Variants in TSEN15 observed in about 807,000 individuals in gnomAD.
TSEN15 encodes the protein tRNA splicing endonuclease subunit 15.
A neutral mutation model predicts 20.5 loss-of-function variants in TSEN15; 10 were observed. The observed-to-expected ratio is 0.49, with a 90% CI of 0.30 to 0.83. The LOEUF (loss-of-function observed/expected upper bound fraction) is 0.83. TSEN15 is among the 40% of genes least tolerant of loss of function. The pLI is 0.06. For missense variants in TSEN15, 180 were observed against 218.6 expected, an observed-to-expected ratio of 0.82 and a Z score of 1.11; for synonymous variants, 72 against 80.1, an observed-to-expected ratio of 0.90 and a Z score of 0.54.
chr1:184,067,941 A>AAAAAAAT (rs1400681024), intron 3 of TSEN15, among the ~76,000 whole-genome samples: 13 of 95,570 alleles, frequency 1.4e-4, no homozygotes, highest in African/African-American at 4.6e-4. Context: ...AAAAAAAAAA[A>AAAAAAAT]ATATATATAT....
At chr1:184,067,622 A>T (rs1650717216) in intron 3 of TSEN15, among the ~76,000 whole-genome samples, 1 of 152,056 alleles carries the variant, frequency 6.6e-6, no homozygotes, top group Admixed American at 6.6e-5. Context: ...AAAAATTAGA[A>T]TGTCTGCAAA....
At chr1:184,085,341 T>A (rs1397413443) in intron 3 of TSEN15, among the ~76,000 whole-genome samples, 1 of 152,228 alleles carries the variant, frequency 6.6e-6, no homozygotes, top group Non-Finnish European at 1.5e-5. Context: ...TGTATAAGCA[T>A]GCCTATATTA....
chr1:184,067,934 A>AAC (rs2102890391), intron 3 of TSEN15, among the ~76,000 whole-genome samples: 1 of 116,846 alleles, frequency 8.6e-6, no homozygotes, highest in African/African-American at 3.2e-5. Context: ...CAAAAAAAAA[A>AAC]AAAAAAAATA....
chr1:184,072,460 T>C (rs1201571247), intron 4 of TSEN15, 162 bp downstream of exon 4: 1 of 709,004 alleles, frequency 1.4e-6, no homozygotes, highest in African/African-American at 1.9e-5. Flanking sequence ...ATTGGTTATA[T>C]TTTGTTCAAA....
downstream of TSEN15, among the ~76,000 whole-genome samples, chr1:184,077,362 G>A (rs1384364358): frequency 6.6e-6 from 1 of 152,038 alleles, no homozygotes; most frequent in Non-Finnish European, 1.5e-5. Flanking sequence ...CTACTGCTCA[G>A]AAAAAAAGAT....
At chr1:184,070,588 G>A in intron 3 of TSEN15, 1 of 1,082,012 alleles carries the variant, frequency 9.2e-7, no homozygotes, top group African/African-American at 1.7e-5. Context: ...CTATAAAAAT[G>A]TATCTTTTTC....
Position 184,083,738 on chromosome 1 carries a change from T to C in TSEN15, c.354-11952T>C, listed in dbSNP as rs540814520. On this transcript the variant is annotated intron_variant, in intron 3 of 3. Transcript: ENST00000643231. Reference sequence around the variant, plus strand: ...GATTGTACATTCTCTATTGTTTAGATATAAATGAATAGAATTCATCCACTT... The same window carrying C: ...GATTGTACATTCTCTATTGTTTAGACATAAATGAATAGAATTCATCCACTT... Among the ~76,000 whole-genome samples, 8 of 152,298 alleles carry C rather than the reference T, an allele frequency of 5.3e-5. No individual in the cohort carries two copies. In the South Asian group the frequency reaches 1.5e-3, roughly 28 times the overall value.
Position 184,054,843 on chromosome 1 carries a change from T to G in TSEN15, c.333T>G (p.Thr111=). 1 of 1,611,264 alleles carries G rather than the reference T, an allele frequency of 6.2e-7. No homozygotes were observed. Among genetic ancestry groups the G allele is most frequent in the South Asian group, 1.1e-5 (1 of 90,532 alleles). The stretch of plus-strand genomic sequence containing the variant: ...AGACTGTGGTGCCTACCCCCATCAC[T>G]GCTTCCCTCAGCCATAACAGGTGAG... ...GLQTVVPTPI[T]ASLSHNRIRE... is the part of the protein sequence containing the mutation. Residue 111 remains threonine (T), a synonymous_variant, in exon 3 of 5, where the codon ACT becomes ACG. Transcript: ENST00000645668.
At chr1:184,074,831 G>A (rs1264336895), downstream of TSEN15, among the ~76,000 whole-genome samples, 1 of 151,936 alleles carries the variant, frequency 6.6e-6, no homozygotes, top group Non-Finnish European at 1.5e-5. Flanking sequence ...TATTCTTGGT[G>A]GGAGGTCTCC....
chr1:184,065,791 C>T (rs919366237), intron 3 of TSEN15, among the ~76,000 whole-genome samples: 1 of 152,150 alleles, frequency 6.6e-6, no homozygotes, highest in Admixed American at 6.6e-5. Flanking sequence ...TATTTGCCAC[C>T]TGTATATCTC....
chr1:184,091,397 A>AT (rs1651355710), intron 3 of TSEN15, among the ~76,000 whole-genome samples: 1 of 151,962 alleles, frequency 6.6e-6, no homozygotes, highest in African/African-American at 2.4e-5. Context: ...TATATTTAGT[A>AT]TTTTTTAATT....
intron 3 of TSEN15, chr1:184,058,368 G>A (rs538595354): frequency 2.0e-4 from 38 of 192,236 alleles, no homozygotes; most frequent in African/African-American, 9.0e-4. Flanking sequence ...CACAAATGAG[G>A]CCTGATACAT....
At chr1:184,084,847 A>G (rs958276657) in intron 3 of TSEN15, among the ~76,000 whole-genome samples, 1 of 152,110 alleles carries the variant, frequency 6.6e-6, no homozygotes, top group African/African-American at 2.4e-5. Context: ...TTAAATTTCA[A>G]CATGGGTCTG....
chr1:184,067,941 A>AAAAAAATAT (rs1400681024), intron 3 of TSEN15, among the ~76,000 whole-genome samples: 68 of 95,566 alleles, frequency 7.1e-4, no homozygotes, highest in African/African-American at 2.8e-3. Flanking sequence ...AAAAAAAAAA[A>AAAAAAATAT]ATATATATAT....
chr1:184,067,692 C>T (rs1379500946), intron 3 of TSEN15, among the ~76,000 whole-genome samples: 2 of 151,712 alleles, frequency 1.3e-5, no homozygotes, highest in Admixed American at 6.6e-5. Flanking sequence ...CTGAGGTGGG[C>T]GGATCACCTG....
intron 1 of TSEN15, among the ~76,000 whole-genome samples, chr1:184,052,581 T>C (rs1650095820): frequency 6.6e-6 from 1 of 152,116 alleles, no homozygotes; most frequent in African/African-American, 2.4e-5. Context: ...AACTAGTCTC[T>C]ACGGTACTTT....
At chr1:184,072,659 G>A in intron 4 of TSEN15, 168 bp from the exon 5 acceptor site, 2 of 661,546 alleles carry the variant, frequency 3.0e-6, no homozygotes, top group Non-Finnish European at 5.1e-6. Flanking sequence ...TGTTAAATTG[G>A]TTGACATTTT....
At chr1:184,078,502 A>G (rs186048445), downstream of TSEN15, among the ~76,000 whole-genome samples, 7 of 152,134 alleles carry the variant, frequency 4.6e-5, no homozygotes, top group Non-Finnish European at 1.5e-5. Context: ...GGGAAATGGC[A>G]TGTGAGGATT....
chr1:184,095,411 A>G (rs1179379726), intron 3 of TSEN15: 1 of 380,022 alleles, frequency 2.6e-6, no homozygotes, highest in East Asian at 3.8e-5. Context: ...TGTGGTGAGG[A>G]CTCAGTAAGG....
Sources: allele counts gnomAD v4.1 joint callset (sites outside exome capture counted in the v4.1 genomes callset), GRCh38; gene constraint gnomAD v4.1.1; transcripts MANE v1.5; gene names NCBI Gene and HGNC (gene_info 2026-07-23, HGNC 2026-07-21).